C1QTNF7: variants seen among roughly 807,000 people sequenced by gnomAD.
C1QTNF7 encodes C1q and TNF related 7, also known as complement C1q tumor necrosis factor-related protein 7.
A neutral mutation model predicts 19.6 loss-of-function variants in C1QTNF7; 15 were observed. The observed-to-expected ratio is 0.76, with a 90% CI of 0.51 to 1.18. C1QTNF7 has a LOEUF of 1.18. C1QTNF7 is among the 50% of genes most tolerant of loss of function. The pLI is 0.00. For missense variants in C1QTNF7, 324 were observed against 359.7 expected (o/e 0.90, Z 0.80); for synonymous variants, 142 against 137.5 (o/e 1.03, Z -0.23).
chr4:15,378,697 G>C (rs1400011932), intron 1 of C1QTNF7, among the ~76,000 whole-genome samples: 1 of 152,206 alleles, frequency 6.6e-6, no homozygotes, highest in East Asian at 1.9e-4. Context: ...CTTCAAGTCT[G>C]AAATTGTGCA....
chr4:15,431,030 T>C lies in C1QTNF7; in HGVS notation c.-9+2924T>C, dbSNP rs546446380. Among the ~76,000 whole-genome samples, 77 of 150,936 alleles carry C rather than the reference T, an allele frequency of 5.1e-4. 1 individual carries two copies. The highest frequency in any genetic ancestry group is 1.8e-3 in the African/African-American group (72 of 40,832). ...TATTTGCTGCTCATGTCATAAGCCA[T>C]TTGTAGATTAAGATAGATAGATGAT... On this transcript the variant is annotated intron_variant, in intron 1 of 2. Coordinates refer to ENST00000444304, the MANE Select transcript of C1QTNF7 (RefSeq NM_031911.5).
chr4:15,375,199 C>G (rs1292387588), intron 1 of C1QTNF7, among the ~76,000 whole-genome samples: 1 of 152,020 alleles, frequency 6.6e-6, no homozygotes, highest in Non-Finnish European at 1.5e-5. Flanking sequence ...CATTTTGATA[C>G]ACTGTAGGAT....
chr4:15,340,098 C>T, exon 1 of C1QTNF7: 1 of 1,359,536 alleles, frequency 7.4e-7, no homozygotes, highest in Non-Finnish European at 1.0e-6. Context: ...GAATAATAAA[C>T]ACATATTTCT....
intron 1 of C1QTNF7, among the ~76,000 whole-genome samples, chr4:15,344,830 T>A (rs369780373): frequency 1.3e-5 from 2 of 152,178 alleles, no homozygotes; most frequent in Non-Finnish European, 2.9e-5. Flanking sequence ...CGGGAGAAAC[T>A]TTTTTCCATC....
intron 1 of C1QTNF7, 70 bp from the exon 2 acceptor site, chr4:15,435,666 A>G: frequency 6.3e-7 from 1 of 1,580,386 alleles, no homozygotes; most frequent in Non-Finnish European, 8.6e-7. Flanking sequence ...GTTCAAACTG[A>G]TTCAATCATG....
chr4:15,341,712 T>C (rs1210537386), intron 1 of C1QTNF7, among the ~76,000 whole-genome samples: 1 of 152,226 alleles, frequency 6.6e-6, no homozygotes, highest in Non-Finnish European at 1.5e-5. Flanking sequence ...TTCCCGGTCC[T>C]CTCGGACCAT....
intron 1 of C1QTNF7, among the ~76,000 whole-genome samples, chr4:15,434,067 T>G (rs1292990638): frequency 6.6e-6 from 1 of 152,126 alleles, no homozygotes; most frequent in Non-Finnish European, 1.5e-5. Context: ...AGTGCCTTAA[T>G]TCCAGTTGAG....
chr4:15,411,670 C>T (rs1362833838), intron 1 of C1QTNF7, among the ~76,000 whole-genome samples: 1 of 152,126 alleles, frequency 6.6e-6, no homozygotes, highest in Non-Finnish European at 1.5e-5. Flanking sequence ...TGCCTACAGC[C>T]CTGGCAGGGT....
chr4:15,418,839 T>C (rs184644241), intron 1 of C1QTNF7, among the ~76,000 whole-genome samples: 186 of 152,336 alleles, frequency 1.2e-3, no homozygotes, highest in African/African-American at 4.2e-3. Context: ...AGTTGGTGTA[T>C]GCAGAGCCCT....
At chr4:15,390,163 G>A (rs1292474587) in intron 1 of C1QTNF7, among the ~76,000 whole-genome samples, 3 of 152,168 alleles carry the variant, frequency 2.0e-5, no homozygotes, top group Admixed American at 6.5e-5. Context: ...CAGATGTAGG[G>A]GCTGGCTACA....
At chr4:15,421,375 T>C (rs541333165) in intron 1 of C1QTNF7, among the ~76,000 whole-genome samples, 1 of 152,214 alleles carries the variant, frequency 6.6e-6, no homozygotes, top group East Asian at 1.9e-4. Context: ...CGGATGGTTT[T>C]CAGGTGCAAA....
intron 1 of C1QTNF7, among the ~76,000 whole-genome samples, chr4:15,422,210 T>TTAAA (rs1491409222): frequency 2.1e-5 from 3 of 142,828 alleles, no homozygotes; most frequent in African/African-American, 2.7e-5. Flanking sequence ...TGTTTTTTTT[T>TTAAA]AAAAAAAAAA....
chr4:15,368,012 C>A (rs570097395), intron 1 of C1QTNF7, among the ~76,000 whole-genome samples: 1 of 152,244 alleles, frequency 6.6e-6, no homozygotes, highest in Admixed American at 6.5e-5. Context: ...CAGAATATTT[C>A]CATTTACCCC....
intron 1 of C1QTNF7, among the ~76,000 whole-genome samples, chr4:15,356,451 A>G: frequency 6.6e-6 from 1 of 152,166 alleles, no homozygotes; most frequent in East Asian, 1.9e-4. Context: ...ATGGCTGCCT[A>G]GTATTCCACG....
chr4:15,440,817 C>T (rs576315521), intron 2 of C1QTNF7, among the ~76,000 whole-genome samples: 51 of 152,236 alleles, frequency 3.4e-4, no homozygotes, highest in Middle Eastern at 3.4e-3. Context: ...GTTGAGCCCT[C>T]GCTATGTGCC....
chr4:15,355,696 G>C (rs1370939114), intron 1 of C1QTNF7, among the ~76,000 whole-genome samples: 2 of 152,186 alleles, frequency 1.3e-5, no homozygotes, highest in African/African-American at 4.8e-5. Context: ...AAGCTTGAGA[G>C]GAAAGTTCCC....
intron 1 of C1QTNF7, among the ~76,000 whole-genome samples, chr4:15,370,252 G>A (rs1015243729): frequency 2.6e-5 from 4 of 151,836 alleles, no homozygotes; most frequent in African/African-American, 4.8e-5. Flanking sequence ...AACAACTGGC[G>A]AAAAAAAGCA....
chr4:15,359,917 C>T (rs969232842), intron 1 of C1QTNF7, among the ~76,000 whole-genome samples: 3 of 152,174 alleles, frequency 2.0e-5, no homozygotes, highest in African/African-American at 7.2e-5. Context: ...TACTCCCACC[C>T]TTCCTAGACA....
At chr4:15,397,812 A>G (rs961302431) in intron 1 of C1QTNF7, among the ~76,000 whole-genome samples, 1 of 152,208 alleles carries the variant, frequency 6.6e-6, no homozygotes, top group Non-Finnish European at 1.5e-5. Context: ...ACCACCTACC[A>G]AAGCCCCACC....
Sources: gnomAD v4.1 joint callset for allele counts (sites outside exome capture counted in the v4.1 genomes callset) on GRCh38, gnomAD v4.1.1 for gene constraint, MANE v1.5 for transcripts, NCBI Gene and HGNC (gene_info 2026-07-23, HGNC 2026-07-21) for gene names.